The following CFAP92 variants were observed in gnomAD, a reference collection of about 807,000 sequenced individuals.
CFAP92 encodes uncharacterized protein CFAP92.
Under a neutral mutation model 106.3 loss-of-function variants are expected in CFAP92, and 86 were observed. The observed-to-expected ratio is 0.81, with a 90% CI of 0.68 to 0.97. The LOEUF is 0.97. Ranked by LOEUF, CFAP92 falls within the 50% of genes least tolerant of loss-of-function variation. The pLI is 0.00. For synonymous variants in CFAP92, 477 were observed against 506.4 expected, an observed-to-expected ratio of 0.94 and a Z score of 0.78; for missense variants, 1,204 against 1,283.8, an observed-to-expected ratio of 0.94 and a Z score of 0.95.
At position 128,932,786 on chromosome 3, in the gene CFAP92, C is replaced by A; in HGVS notation, c.2665G>T (p.Glu889Ter). The A allele has an allele frequency of 6.5e-7, 1 of 1,536,200 alleles. No individual in the cohort carries two copies. Among genetic ancestry groups the A allele is most frequent in the Non-Finnish European group, 8.7e-7 (1 of 1,146,922 alleles). The change falls in exon 12 of 16, where the codon GAG becomes TAG. Residue 889 changes from glutamate to a stop codon, truncating the protein, a stop_gained. Coordinates refer to ENST00000645291, the MANE Select transcript of CFAP92 (RefSeq NM_001394090.1). LOFTEE classifies it high-confidence loss of function. ...YHSRNSTLTL[E>*]IHAHQEKYLQ... Reference sequence around the variant, plus strand: ...TACTTCTCCTGGTGGGCGTGGATCTCTAAGGTGAGGGTGGAGTTCCGACTG... The same window carrying A: ...TACTTCTCCTGGTGGGCGTGGATCTATAAGGTGAGGGTGGAGTTCCGACTG...
At chr3:128,963,992 C>G (rs1942167145) in intron 9 of CFAP92, among the ~76,000 whole-genome samples, 1 of 152,160 alleles carries the variant, frequency 6.6e-6, no homozygotes. Context: ...AAGTAAAGGC[C>G]TTTCCTACAG....
rs1370928332 is a variant in CFAP92, at chr3:128,935,239, A to T, written c.2339T>A (p.Leu780Gln). Reference sequence around the variant, plus strand: ...GTGCACGTGGTACAGGATGGCCTCCAGGTCCCCATAGAGCCGGCTGCGGAA... The same window carrying T: ...GTGCACGTGGTACAGGATGGCCTCCTGGTCCCCATAGAGCCGGCTGCGGAA... ...LLFRSRLYGD[L>Q]EAILYHVHLF... Residue 780 changes from leucine to glutamine, a missense_variant, in exon 11 of 16, where the codon CTG becomes CAG. Coordinates refer to ENST00000645291, the MANE Select transcript of CFAP92 (RefSeq NM_001394090.1). 3.3e-6 allele frequency: 5 copies of T among 1,536,032 alleles called. No homozygotes were observed. The highest frequency in any genetic ancestry group is 4.4e-6 in the Non-Finnish European group (5 of 1,146,828).
intron 9 of CFAP92, among the ~76,000 whole-genome samples, chr3:128,960,362 C>T (rs1236789758): frequency 1.3e-5 from 2 of 152,192 alleles, no homozygotes; most frequent in Non-Finnish European, 2.9e-5. Flanking sequence ...GTCCTCAGAC[C>T]GACCAGCCCA....
intron 9 of CFAP92, among the ~76,000 whole-genome samples, chr3:128,949,085 GC>G (rs1201430715): frequency 6.6e-6 from 1 of 152,194 alleles, no homozygotes; most frequent in Non-Finnish European, 1.5e-5. Flanking sequence ...AGGGTAGGGA[GC>G]AACTAGAACC....
At chr3:128,943,137 C>CT (rs909069362) in intron 10 of CFAP92, among the ~76,000 whole-genome samples, 4 of 152,084 alleles carry the variant, frequency 2.6e-5, no homozygotes, top group Non-Finnish European at 5.9e-5. Context: ...TCAGGCTGGT[C>CT]TTGATCTCCT....
intron 10 of CFAP92, among the ~76,000 whole-genome samples, chr3:128,937,134 C>G (rs1939103477): frequency 6.6e-6 from 1 of 151,440 alleles, no homozygotes. Context: ...AACCCCATCT[C>G]TACAAAAAAT....
chr3:128,945,206 C>T lies in CFAP92; in HGVS notation c.2123G>A (p.Arg708His), dbSNP rs1033404622. The T allele has an allele frequency of 1.6e-5, 25 of 1,536,052 alleles. No individual in the cohort carries two copies. The highest frequency in any genetic ancestry group is 2.0e-5 in the Admixed American group (1 of 50,986). Residue 708 changes from arginine (R) to histidine (H), a missense_variant, in exon 10 of 16, where the codon CGT (arginine) becomes CAT (histidine). Transcript: ENST00000645291. ...LQQILSAFKV[R>H]VRVQEQQHLD... ...GTGCTGCTGCTCCTGGACCCGCACA[C>T]GCACCTTGAAGGCTGACAGGATCTG...
At chr3:129,003,805 G>A (rs1203005891), upstream of CFAP92, 1 of 1,460,714 alleles carries the variant, frequency 6.8e-7, no homozygotes, top group Non-Finnish European at 9.0e-7. Context: ...TCGGACTCTG[G>A]AAGAGCCAGG....
At chr3:128,933,018 C>G in intron 11 of CFAP92, 21 bp from the exon 12 acceptor site, 1 of 1,534,772 alleles carries the variant, frequency 6.5e-7, no homozygotes, top group East Asian at 2.4e-5. Context: ...GAACCACTGC[C>G]CCACTGAACC....
Position 128,941,324 on chromosome 3 carries a change from TA to T in CFAP92, c.2258+3746del, listed in dbSNP as rs1939601481. Among the ~76,000 whole-genome samples, 6 of 152,302 alleles carry T rather than the reference TA, an allele frequency of 3.9e-5. No homozygotes were observed. In the South Asian group the frequency reaches 8.3e-4, roughly 21 times the overall value. On this transcript the variant is annotated intron_variant, in intron 10 of 15. Transcript: ENST00000645291. ...ATTTTTTAAATTTCTTATAATTTTT[TA>T]AATATATTGGCATAATTTGAAACAC... is the stretch of plus-strand genomic sequence containing the variant.
At chr3:129,004,302 CATCT>C (rs1053959698), upstream of CFAP92, among the ~76,000 whole-genome samples, 4 of 152,008 alleles carry the variant, frequency 2.6e-5, no homozygotes, top group Admixed American at 1.3e-4. Context: ...TTTATCCATC[CATCT>C]GTCCATCCAT....
At chr3:129,004,071 G>T (rs1047682690), upstream of CFAP92, 1 of 1,503,078 alleles carries the variant, frequency 6.7e-7, no homozygotes, top group Non-Finnish European at 8.8e-7. Flanking sequence ...GAGCTGCAAC[G>T]CTACAGGTGA....
chr3:129,024,445 C>T, the CFAP92 span, among the ~76,000 whole-genome samples: 2 of 151,656 alleles, frequency 1.3e-5, no homozygotes, highest in Non-Finnish European at 2.9e-5. Context: ...GCAGGAGAAT[C>T]ACTTGAACCT....
chr3:129,002,075 C>T lies in CFAP92; in HGVS notation n.117+499G>A, dbSNP rs768647320. On this transcript the variant is annotated intron_variant and non_coding_transcript_variant, in intron 1 of 4. Coordinates refer to the CFAP92 transcript ENST00000510149. ...CCTTCCGCCAGTTCCACGCGCGCCTCTGTGGCTACTTCGGCACCCGTGCGG... is the reference window on the plus strand; with the variant it reads ...CCTTCCGCCAGTTCCACGCGCGCCTTTGTGGCTACTTCGGCACCCGTGCGG... 11 of 1,533,296 alleles carry T rather than the reference C, an allele frequency of 7.2e-6. No homozygotes were observed. The South Asian group carries it at 1.3e-4, about 19-fold the overall frequency. The allele number at this position is 1,533,296 out of a possible 1,614,324, so 95.0% of individuals were successfully genotyped here. A position where few individuals can be genotyped will look rare whatever the true frequency, so the allele number is the denominator to read the frequency against.
chr3:128,958,194 A>C (rs1941595270), intron 9 of CFAP92, among the ~76,000 whole-genome samples: 1 of 152,198 alleles, frequency 6.6e-6, no homozygotes, highest in Non-Finnish European at 1.5e-5. Context: ...AGTTCAACAT[A>C]CCATTTTTTG....
chr3:128,931,954 G>A (rs1030887791), intron 12 of CFAP92, among the ~76,000 whole-genome samples: 6 of 152,152 alleles, frequency 3.9e-5, no homozygotes, highest in African/African-American at 1.2e-4. Flanking sequence ...GGAGTTGGAG[G>A]CTGCAGTGAC....
At chr3:128,995,465 G>C (rs2107831877), upstream of CFAP92, among the ~76,000 whole-genome samples, 1 of 152,326 alleles carries the variant, frequency 6.6e-6, no homozygotes, top group Admixed American at 6.5e-5. Flanking sequence ...ATGCCAGGAA[G>C]TGCTCAGGAG....
intron 9 of CFAP92, among the ~76,000 whole-genome samples, chr3:128,950,990 G>A (rs1297425911): frequency 6.6e-6 from 1 of 152,140 alleles, no homozygotes; most frequent in Non-Finnish European, 1.5e-5. Context: ...ACTTTTTAAG[G>A]ACGGTAGTCT....
At chr3:128,982,674 G>C (rs1276370371) in intron 4 of CFAP92, among the ~76,000 whole-genome samples, 4 of 152,180 alleles carry the variant, frequency 2.6e-5, no homozygotes, top group Non-Finnish European at 5.9e-5. Context: ...GACTTAAAGG[G>C]AGAGATGTGC....
Sources: allele counts gnomAD v4.1 joint callset (sites outside exome capture counted in the v4.1 genomes callset), GRCh38; gene constraint gnomAD v4.1.1; transcripts MANE v1.5; gene names NCBI Gene and HGNC (gene_info 2026-07-23, HGNC 2026-07-21).